CAMK1D: variants seen among roughly 807,000 people sequenced by gnomAD.
The protein encoded by CAMK1D is calcium/calmodulin dependent protein kinase ID.
CAMK1D carries 9 observed loss-of-function variants against 47.7 expected under a neutral mutation model. That is an observed-to-expected ratio of 0.19 (90% CI 0.11 to 0.33). The LOEUF (loss-of-function observed/expected upper bound fraction) is 0.33. Ranked by LOEUF, CAMK1D falls within the 10% of genes least tolerant of loss-of-function variation. The probability of loss-of-function intolerance (pLI) is 1.00; values close to 1 mark genes in which losing one functional copy is unlikely to be tolerated. For synonymous variants in CAMK1D, 184 were observed against 184.9 expected (o/e 0.99, Z 0.04); for missense variants, 291 against 488.7 (o/e 0.60, Z 3.81).
In CAMK1D at chr10:12,801,391, T is replaced by TATCTATCTATCTATCTATCC. The variant is rs1242051924; in HGVS notation, c.641+10161_641+10162insTATCTATCTATCTATCCATC. ...CTATCTATCTATCTATCTATCTATC[T>TATCTATCTATCTATCTATCC]ATCCATCCATCTGTCCATCTCATTC... On this transcript the variant is annotated intron_variant, in intron 6 of 10. Transcript: ENST00000619168. Among the ~76,000 whole-genome samples, 695 of 145,122 alleles carry TATCTATCTATCTATCTATCC rather than the reference T, an allele frequency of 4.8e-3. 8 individuals are homozygous for TATCTATCTATCTATCTATCC. Among genetic ancestry groups the TATCTATCTATCTATCTATCC allele is most frequent in the Non-Finnish European group, 7.5e-3 (493 of 65,630 alleles).
chr10:12,818,533 C>T (rs1047611424), intron 8 of CAMK1D, among the ~76,000 whole-genome samples: 4 of 152,016 alleles, frequency 2.6e-5, no homozygotes, highest in South Asian at 2.1e-4. Context: ...TAGCCGGACA[C>T]GGTGGTGTGT....
chr10:12,593,373 TG>T (rs1316055250), intron 2 of CAMK1D, among the ~76,000 whole-genome samples: 2 of 152,168 alleles, frequency 1.3e-5, no homozygotes, highest in Non-Finnish European at 2.9e-5. Context: ...GTGGATCACT[TG>T]AGGTCAGGAG....
intron 3 of CAMK1D, among the ~76,000 whole-genome samples, chr10:12,678,069 G>C (rs966480911): frequency 1.3e-5 from 2 of 151,840 alleles, no homozygotes; most frequent in African/African-American, 4.8e-5. Context: ...AGTCTTACTA[G>C]GTTCAACTGT....
intron 1 of CAMK1D, among the ~76,000 whole-genome samples, chr10:12,514,918 T>C (rs940473541): frequency 1.1e-4 from 17 of 152,224 alleles, no homozygotes; most frequent in African/African-American, 3.9e-4. Flanking sequence ...TGGTATAATC[T>C]TGGCTCACTG....
chr10:12,424,289 CG>C (rs979052322), intron 1 of CAMK1D, among the ~76,000 whole-genome samples: 1 of 152,118 alleles, frequency 6.6e-6, no homozygotes. Context: ...TCTCTAGCTC[CG>C]TGTGGCCTGA....
chr10:12,554,783 G>T (rs1166841223), intron 2 of CAMK1D, among the ~76,000 whole-genome samples: 1 of 151,842 alleles, frequency 6.6e-6, no homozygotes, highest in African/African-American at 2.4e-5. Context: ...GCCTCAAGCA[G>T]TCCTCCTACC....
chr10:12,599,286 G>A (rs1720429362), intron 2 of CAMK1D, among the ~76,000 whole-genome samples: 1 of 152,200 alleles, frequency 6.6e-6, no homozygotes, highest in African/African-American at 2.4e-5. Flanking sequence ...TATTTTGAGA[G>A]TGGAAGGGAG....
chr10:12,432,735 C>T (rs1047774379), intron 1 of CAMK1D, among the ~76,000 whole-genome samples: 25 of 152,322 alleles, frequency 1.6e-4, no homozygotes, highest in South Asian at 8.3e-4. Flanking sequence ...AGGGTGCCAG[C>T]GCTTGCCTTG....
intron 1 of CAMK1D, among the ~76,000 whole-genome samples, chr10:12,476,066 G>A (rs558501847): frequency 1.3e-5 from 2 of 152,010 alleles, no homozygotes; most frequent in African/African-American, 2.4e-5. Flanking sequence ...GCCGAGGGGG[G>A]GCGGATCACG....
intron 2 of CAMK1D, among the ~76,000 whole-genome samples, chr10:12,647,204 G>GCAGTGA (rs1201525482): frequency 2.9e-5 from 4 of 138,110 alleles, no homozygotes; most frequent in Non-Finnish European, 6.1e-5. Context: ...AGGCTGGAGT[G>GCAGTGA]CAGTGACGCG....
At chr10:12,528,166 T>A (rs1835686898) in intron 1 of CAMK1D, among the ~76,000 whole-genome samples, 1 of 152,188 alleles carries the variant, frequency 6.6e-6, no homozygotes, top group Admixed American at 6.5e-5. Flanking sequence ...TTTGCCAAGG[T>A]CACATAGCTA....
intron 1 of CAMK1D, among the ~76,000 whole-genome samples, chr10:12,430,504 A>G (rs560240887): frequency 6.2e-4 from 94 of 152,328 alleles, no homozygotes; most frequent in African/African-American, 2.1e-3. Flanking sequence ...ATTTGAATTA[A>G]TTACACGACT....
At chr10:12,564,472 A>C (rs754568933) in intron 2 of CAMK1D, among the ~76,000 whole-genome samples, 8 of 152,196 alleles carry the variant, frequency 5.3e-5, no homozygotes, top group Non-Finnish European at 7.3e-5. Context: ...TTCATTTCAC[A>C]TGTGTGAAGT....
chr10:12,603,331 G>T (rs1015485267), intron 2 of CAMK1D, among the ~76,000 whole-genome samples: 1 of 152,110 alleles, frequency 6.6e-6, no homozygotes, highest in Non-Finnish European at 1.5e-5. Context: ...CACCAGTTGC[G>T]CAGTGCCTGA....
intron 4 of CAMK1D, among the ~76,000 whole-genome samples, chr10:12,762,267 A>G (rs923302281): frequency 2.0e-5 from 3 of 152,190 alleles, no homozygotes; most frequent in African/African-American, 7.2e-5. Context: ...CACTCATTAT[A>G]AACACGAGGA....
intron 8 of CAMK1D, among the ~76,000 whole-genome samples, chr10:12,820,409 G>A (rs989542556): frequency 3.9e-5 from 6 of 152,176 alleles, no homozygotes; most frequent in East Asian, 1.9e-4. Flanking sequence ...TGAAACTCTC[G>A]CTTGCCTGCA....
chr10:12,813,192 T>C (rs118087750), intron 6 of CAMK1D, among the ~76,000 whole-genome samples: 1 of 152,224 alleles, frequency 6.6e-6, no homozygotes, highest in African/African-American at 2.4e-5. Context: ...GGTAGTATTA[T>C]GATATTGTAG....
chr10:12,418,258 C>T (rs1490422328), intron 1 of CAMK1D, among the ~76,000 whole-genome samples: 5 of 152,220 alleles, frequency 3.3e-5, no homozygotes, highest in Non-Finnish European at 7.3e-5. Flanking sequence ...CATATGATTG[C>T]AACGCGGCCA....
At chr10:12,474,999 C>T (rs1352156831) in intron 1 of CAMK1D, among the ~76,000 whole-genome samples, 1 of 152,062 alleles carries the variant, frequency 6.6e-6, no homozygotes, top group Non-Finnish European at 1.5e-5. Flanking sequence ...TCCAGTCTGC[C>T]ATTGATGGGC....
Sources: gnomAD v4.1 joint callset for allele counts (sites outside exome capture counted in the v4.1 genomes callset) on GRCh38, gnomAD v4.1.1 for gene constraint, MANE v1.5 for transcripts, NCBI Gene and HGNC (gene_info 2026-07-23, HGNC 2026-07-21) for gene names.